GRIP1: variants seen among roughly 807,000 people sequenced by gnomAD.
GRIP1 encodes the protein glutamate receptor interacting protein 1.
A neutral mutation model predicts 129.9 loss-of-function variants in GRIP1; 45 were observed. The ratio of observed to expected loss-of-function variants is 0.35; its 90% confidence interval spans 0.27 to 0.44. GRIP1 has a LOEUF of 0.44. Ranked by LOEUF, GRIP1 falls within the 20% of genes least tolerant of loss-of-function variation. The pLI, the probability that GRIP1 is intolerant of heterozygous loss-of-function variation, is 1.00. For missense variants in GRIP1, 1,196 were observed against 1,396.8 expected, an observed-to-expected ratio of 0.86 and a Z score of 2.29; for synonymous variants, 530 against 520.8, an observed-to-expected ratio of 1.02 and a Z score of -0.24.
chr12:66,845,906 T>C (rs1222540334), intron 1 of GRIP1, among the ~76,000 whole-genome samples: 1 of 152,176 alleles, frequency 6.6e-6, no homozygotes, highest in African/African-American at 2.4e-5. Context: ...ATTTGGTGTC[T>C]AGGTAGTCTA....
At chr12:66,846,812 GT>G (rs1001339741) in intron 1 of GRIP1, among the ~76,000 whole-genome samples, 89 of 152,180 alleles carry the variant, frequency 5.8e-4, no homozygotes, top group African/African-American at 2.1e-3. Context: ...AAACACCTGG[GT>G]CAGCCACGGG....
At position 66,353,419 on chromosome 12, in the gene GRIP1, G is replaced by T; in HGVS notation, c.3157C>A (p.Gln1053Lys). ...TAAAATTCCACCTGAGGTCTTACCT[G>T]TAAGAGCCTGTCATAGGGCTTTAAG... ...GGLKPYDRLL[Q>K]VNHVRTRDFD... The change falls in exon 24 of 25, where the codon CAG becomes AAG. Residue 1053 changes from glutamine (Q) to lysine (K), a missense_variant and splice_region_variant. Physicochemically the swap from Gln to Lys is moderately conservative, Grantham distance 53. Transcript: ENST00000359742. 2 of 1,609,058 alleles carry T rather than the reference G, an allele frequency of 1.2e-6. No individual in the cohort carries two copies. Among genetic ancestry groups the T allele is most frequent in the East Asian group, 2.2e-5 (1 of 44,848 alleles).
chr12:66,868,297 G>C (rs1176175754), intron 1 of GRIP1, among the ~76,000 whole-genome samples: 1 of 152,102 alleles, frequency 6.6e-6, no homozygotes, highest in Non-Finnish European at 1.5e-5. Context: ...CACTGAGATA[G>C]AGGAGAAGAA....
rs185935975 is a variant in GRIP1 at position 66,911,716 on chromosome 12, C to A, written c.58+157334G>T. Among the ~76,000 whole-genome samples, 15 of 152,136 alleles carry A rather than the reference C, an allele frequency of 9.9e-5. No individual in the cohort carries two copies. The East Asian group carries it at 2.5e-3, about 25-fold the overall frequency. On this transcript the variant is annotated intron_variant, in intron 1 of 1. Transcript: ENST00000643019. Reference sequence around the variant, plus strand: ...TCATTTTTCTTCCTTTCTTATCATGCAAAATTAATGAAAATATAGAGGGTG... The same window carrying A: ...TCATTTTTCTTCCTTTCTTATCATGAAAAATTAATGAAAATATAGAGGGTG...
chr12:66,875,191 G>A (rs2040362765), intron 1 of GRIP1, among the ~76,000 whole-genome samples: 1 of 151,994 alleles, frequency 6.6e-6, no homozygotes, highest in African/African-American at 2.4e-5. Flanking sequence ...AACTTTAACA[G>A]TCTTATCCTA....
chr12:66,559,709 G>T (rs1565861048), intron 2 of GRIP1, among the ~76,000 whole-genome samples: 1 of 152,150 alleles, frequency 6.6e-6, no homozygotes, highest in Non-Finnish European at 1.5e-5. Flanking sequence ...CATGTTCATG[G>T]ATTGGAAGAA....
intron 19 of GRIP1, among the ~76,000 whole-genome samples, chr12:66,380,802 G>A (rs550766376): frequency 3.0e-4 from 46 of 152,212 alleles, no homozygotes; most frequent in African/African-American, 9.2e-4. Context: ...CATCACATAC[G>A]CCTTCATCCA....
At chr12:66,767,616 G>A (rs2037683573) in intron 1 of GRIP1, among the ~76,000 whole-genome samples, 1 of 151,710 alleles carries the variant, frequency 6.6e-6, no homozygotes, top group South Asian at 2.1e-4. Context: ...ACTTTTGACG[G>A]TATTAATAGG....
At chr12:66,500,635 T>C (rs1223484584) in intron 7 of GRIP1, among the ~76,000 whole-genome samples, 3 of 152,170 alleles carry the variant, frequency 2.0e-5, no homozygotes, top group Non-Finnish European at 2.9e-5. Context: ...TGTTCTTAAG[T>C]AAAATAATTC....
chr12:66,374,754 GA>G (rs111509980), intron 22 of GRIP1, among the ~76,000 whole-genome samples: 3,411 of 152,264 alleles, frequency 0.022, 134 homozygotes, highest in African/African-American at 0.076. Context: ...TCTGATGGAA[GA>G]AATAAGATAC....
chr12:66,991,048 C>T (rs895415277), intron 1 of GRIP1, among the ~76,000 whole-genome samples: 9 of 150,524 alleles, frequency 6.0e-5, no homozygotes, highest in African/African-American at 1.9e-4. Flanking sequence ...CCGAGGCAGG[C>T]GGATCACGAG....
chr12:66,576,770 A>C (rs2063151481), intron 2 of GRIP1, among the ~76,000 whole-genome samples: 1 of 152,204 alleles, frequency 6.6e-6, no homozygotes, highest in Non-Finnish European at 1.5e-5. Context: ...AAGAGAAATA[A>C]ATGTGCAGAC....
At chr12:66,833,211 G>C (rs915020716) in intron 1 of GRIP1, among the ~76,000 whole-genome samples, 2 of 152,178 alleles carry the variant, frequency 1.3e-5, no homozygotes, top group Admixed American at 6.5e-5. Flanking sequence ...AGTTTACAGG[G>C]GCCCCCGGCT....
intron 1 of GRIP1, among the ~76,000 whole-genome samples, chr12:66,672,256 A>G (rs1220839617): frequency 6.6e-6 from 1 of 152,132 alleles, no homozygotes; most frequent in African/African-American, 2.4e-5. Flanking sequence ...AATGTAACTT[A>G]TTGTATTCTT....
At chr12:66,609,909 T>C (rs374187122) in intron 1 of GRIP1, among the ~76,000 whole-genome samples, 52 of 152,240 alleles carry the variant, frequency 3.4e-4, no homozygotes, top group Admixed American at 1.0e-3. Context: ...TGTAAAACTA[T>C]ATTGAATTCT....
In GRIP1 at chr12:66,664,826, G is replaced by GT. The variant is rs200690735; in HGVS notation, c.55+14023dup. Among the ~76,000 whole-genome samples the GT allele has an allele frequency of 1.4e-4, 21 of 152,064 alleles. No homozygotes were observed. In the East Asian group the frequency reaches 4.1e-3, roughly 29 times the overall value. ...TGTTAATATTACTTTTAATCGTTTT[G>GT]TTTTTCTCTTTTTAATGTTAATGGT... On this transcript the variant is annotated intron_variant, in intron 1 of 24. Transcript: ENST00000359742.
chr12:66,743,329 A>G (rs77630568), intron 1 of GRIP1, among the ~76,000 whole-genome samples: 1 of 152,176 alleles, frequency 6.6e-6, no homozygotes, highest in African/African-American at 2.4e-5. Context: ...CCCAAAGTGG[A>G]AGGATTAAGT....
chr12:66,512,830 G>A lies in GRIP1; in HGVS notation c.724+2789C>T, dbSNP rs75614362. 7.6e-3 allele frequency among the ~76,000 whole-genome samples: 1,154 copies of A among 152,042 alleles called. 18 individuals are homozygous for A. The highest frequency in any genetic ancestry group is 0.027 in the African/African-American group (1,120 of 41,490). ...AACCCTGATGAGATGTACACTTAAA[G>A]CATTGCTGGTAGTAATATAAAATAG... On this transcript the variant is annotated intron_variant, in intron 7 of 24. Transcript: ENST00000359742.
At chr12:66,584,406 AT>A (rs2063531743) in intron 2 of GRIP1, among the ~76,000 whole-genome samples, 1 of 151,242 alleles carries the variant, frequency 6.6e-6, no homozygotes, top group South Asian at 2.1e-4. Context: ...TTAAAGTATA[AT>A]AAAAAAAAAT....
Sources: allele counts gnomAD v4.1 joint callset (sites outside exome capture counted in the v4.1 genomes callset), GRCh38; gene constraint gnomAD v4.1.1; transcripts MANE v1.5; gene names NCBI Gene and HGNC (gene_info 2026-07-23, HGNC 2026-07-21).